CA1: variants seen among roughly 807,000 people sequenced by gnomAD.
CA1 encodes the protein carbonate dehydratase I.
Under a neutral mutation model 28.8 loss-of-function variants are expected in CA1, and 27 were observed. That is an observed-to-expected ratio of 0.94 (90% CI 0.69 to 1.29). CA1 has a LOEUF of 1.29. Ranked by LOEUF, CA1 falls within the 50% of genes most tolerant of loss-of-function variation. CA1 has a pLI of 0.00. For missense variants in CA1, 335 were observed against 310.5 expected (o/e 1.08, Z -0.59); for synonymous variants, 121 against 108.8 (o/e 1.11, Z -0.70).
intron 3 of CA1, 81 bp downstream of exon 3, chr8:85,338,171 T>A (rs760188146): frequency 1.8e-6 from 2 of 1,114,214 alleles, no homozygotes; most frequent in Non-Finnish European, 2.8e-6. Flanking sequence ...TTAGAATGGG[T>A]GTCATATTTC....
chr8:85,344,251 T>TA (rs1564029601), intron 1 of CA1, among the ~76,000 whole-genome samples: 2 of 100,452 alleles, frequency 2.0e-5, no homozygotes, highest in Non-Finnish European at 3.7e-5. Context: ...TAATTATATA[T>TA]TATATACAGT....
intron 1 of CA1, among the ~76,000 whole-genome samples, chr8:85,361,718 G>A (rs1356734247): frequency 6.6e-6 from 1 of 152,100 alleles, no homozygotes; most frequent in African/African-American, 2.4e-5. Context: ...TAAAATAACA[G>A]ACATGAAGTA....
intron 1 of CA1, among the ~76,000 whole-genome samples, chr8:85,367,437 T>C (rs1810052466): frequency 6.6e-6 from 1 of 152,178 alleles, no homozygotes; most frequent in Admixed American, 6.6e-5. Flanking sequence ...CACTCAACTC[T>C]GTGGCATAAG....
At position 85,338,305 on chromosome 8, in the gene CA1, A is replaced by T; in HGVS notation, c.182T>A (p.Ile61Asn). 6.2e-7 allele frequency: 1 copy of T among 1,614,044 alleles called. No homozygotes were observed. The highest frequency in any genetic ancestry group is 1.3e-5 in the African/African-American group (1 of 75,046). Residue 61 changes from isoleucine (I) to asparagine (N), a missense_variant, in exon 3 of 8, where the codon ATC (isoleucine) becomes AAC (asparagine). Physicochemically the swap from Ile to Asn is moderately radical, Grantham distance 149. Coordinates refer to ENST00000523022, the MANE Select transcript of CA1 (RefSeq NM_001128831.4). ...SYNPATAKEIINVGHSFHVNF... is the reference protein window; with the variant it reads ...SYNPATAKEINNVGHSFHVNF... ...TACATGGAAGGAATGCCCCACATTG[A>T]TAATTTCTTTGGCTGTGGCTGGGTT...
chr8:85,366,545 T>C (rs1258649767), intron 1 of CA1, among the ~76,000 whole-genome samples: 1 of 152,206 alleles, frequency 6.6e-6, no homozygotes, highest in Non-Finnish European at 1.5e-5. Flanking sequence ...AGTACTCCAA[T>C]AATTCATTTG....
chr8:85,364,046 G>A (rs1809912332), intron 1 of CA1, among the ~76,000 whole-genome samples: 1 of 150,742 alleles, frequency 6.6e-6, no homozygotes, highest in Non-Finnish European at 1.5e-5. Flanking sequence ...TCACCATGTT[G>A]CCCAGGCTGG....
rs557803517 is a variant in CA1 at position 85,333,570 on chromosome 8, A to G, written c.405T>C (p.Ala135=). The G allele has an allele frequency of 6.1e-5, 98 of 1,613,078 alleles. No homozygotes were observed. In the East Asian group the frequency reaches 1.8e-3, roughly 30 times the overall value. ...CTGCCAAACCATCAGCCTTTGAGGCAGCTTCAGCAAGGCTGGAGTACTTTG... is the reference window on the plus strand; with the variant it reads ...CTGCCAAACCATCAGCCTTTGAGGCGGCTTCAGCAAGGCTGGAGTACTTTG... ...NSAKYSSLAE[A]ASKADGLAVI... is the part of the protein sequence containing the mutation. Residue 135 remains alanine, a synonymous_variant, in exon 5 of 8, where the codon GCT becomes GCC. Coordinates refer to ENST00000523022, the MANE Select transcript of CA1 (RefSeq NM_001128831.4).
chr8:85,334,572 C>T (rs950566196), intron 4 of CA1, among the ~76,000 whole-genome samples: 8 of 152,156 alleles, frequency 5.3e-5, no homozygotes, highest in Admixed American at 5.2e-4. Context: ...TCTCTTCTTC[C>T]TATTCTCCTC....
At chr8:85,338,700 CTCTTTCTTTCTCTCTCTT>C (rs1808784546) in intron 2 of CA1, among the ~76,000 whole-genome samples, 1 of 109,454 alleles carries the variant, frequency 9.1e-6, no homozygotes, top group African/African-American at 3.5e-5. Context: ...TTCTCTCTCT[CTCTTTCTTTCTCTCTCTT>C]TTTTTTTTTT....
intron 1 of CA1, among the ~76,000 whole-genome samples, chr8:85,355,379 C>T (rs1237020358): frequency 1.3e-5 from 2 of 152,046 alleles, no homozygotes; most frequent in Admixed American, 1.3e-4. Flanking sequence ...TACCTATGCA[C>T]TTATTTTTTA....
chr8:85,348,962 G>A (rs1047697510), intron 1 of CA1, among the ~76,000 whole-genome samples: 17 of 152,134 alleles, frequency 1.1e-4, no homozygotes, highest in Admixed American at 7.2e-4. Flanking sequence ...GAGCTTCTAA[G>A]GATTTGATGA....
chr8:85,337,923 T>G (rs1321546095), intron 3 of CA1: 4 of 411,676 alleles, frequency 9.7e-6, no homozygotes, highest in Non-Finnish European at 1.8e-5. Context: ...TTTTTAGTTG[T>G]TATATTTGTA....
chr8:85,329,811 A>G lies in CA1; in HGVS notation c.547T>C (p.Ser183Pro), dbSNP rs1305808478. 2.5e-6 allele frequency: 4 copies of G among 1,599,766 alleles called. No homozygotes were observed. The highest frequency in any genetic ancestry group is 3.4e-6 in the Non-Finnish European group (4 of 1,171,754). The change falls in exon 7 of 8, where the codon TCT (serine) becomes CCT (proline). Residue 183 changes from serine (S) to proline (P), a missense_variant. By Grantham distance (74) the Ser-to-Pro change is moderately conservative. Coordinates refer to ENST00000523022, the MANE Select transcript of CA1 (RefSeq NM_001128831.4). ...KRAPFTNFDP[S>P]TLLPSSLDFW... ...TCCAGGGATGAAGGAAGGAGAGTAG[A>G]GGGGTCAAAATTTGTGAATGGGGCT...
chr8:85,376,220 A>G (rs1447403546), intron 1 of CA1, among the ~76,000 whole-genome samples: 2 of 152,082 alleles, frequency 1.3e-5, no homozygotes, highest in African/African-American at 4.8e-5. Context: ...AATCCCAGCT[A>G]CTCGGGAGGC....
intron 1 of CA1, among the ~76,000 whole-genome samples, chr8:85,344,908 G>GT (rs1466204371): frequency 6.6e-6 from 1 of 152,150 alleles, no homozygotes; most frequent in African/African-American, 2.4e-5. Flanking sequence ...TAATGTCATT[G>GT]TTGACTATTA....
At chr8:85,360,362 G>T (rs778857405) in intron 1 of CA1, among the ~76,000 whole-genome samples, 32 of 152,246 alleles carry the variant, frequency 2.1e-4, no homozygotes, top group South Asian at 4.2e-4. Flanking sequence ...TTTTAAAATG[G>T]CCTGGGCACT....
At chr8:85,371,931 A>G (rs1413187869) in intron 1 of CA1, among the ~76,000 whole-genome samples, 5 of 152,182 alleles carry the variant, frequency 3.3e-5, no homozygotes, top group Admixed American at 3.3e-4. Context: ...AACACCAAGT[A>G]TATGTCAGGT....
At chr8:85,332,940 A>T (rs1808472300) in intron 5 of CA1, among the ~76,000 whole-genome samples, 1 of 152,140 alleles carries the variant, frequency 6.6e-6, no homozygotes, top group Admixed American at 6.6e-5. Context: ...GGTTAAGTAG[A>T]AGTGCTATAA....
intron 6 of CA1, among the ~76,000 whole-genome samples, chr8:85,330,437 T>G (rs931353094): frequency 6.6e-6 from 1 of 152,150 alleles, no homozygotes; most frequent in African/African-American, 2.4e-5. Context: ...TCTTTCGATA[T>G]CTATCATAAT....
Sources: allele counts gnomAD v4.1 joint callset (sites outside exome capture counted in the v4.1 genomes callset), GRCh38; gene constraint gnomAD v4.1.1; transcripts MANE v1.5; gene names NCBI Gene and HGNC (gene_info 2026-07-23, HGNC 2026-07-21).